Variants in XKR9 observed in about 807,000 individuals in gnomAD.
The protein encoded by XKR9 is XK related 9.
In XKR9, 32 loss-of-function variants were observed where a neutral mutation model predicts 32.0. That is an observed-to-expected ratio of 1.00 (90% CI 0.76 to 1.34). The LOEUF (loss-of-function observed/expected upper bound fraction) is 1.34. XKR9 is among the 40% of genes most tolerant of loss of function. The pLI, the probability that XKR9 is intolerant of heterozygous loss-of-function variation, is 0.00. For missense variants in XKR9, 546 were observed against 429.7 expected (o/e 1.27, Z -2.39); for synonymous variants, 168 against 143.4 (o/e 1.17, Z -1.22).
chr8:70,759,678 G>C (rs983554308), intron 2 of XKR9, among the ~76,000 whole-genome samples: 3 of 152,126 alleles, frequency 2.0e-5, no homozygotes, highest in Non-Finnish European at 4.4e-5. Flanking sequence ...CCATGGACTT[G>C]TTTTAATTAC....
At chr8:70,773,255 T>C (rs1807477181) in intron 2 of XKR9, among the ~76,000 whole-genome samples, 1 of 152,198 alleles carries the variant, frequency 6.6e-6, no homozygotes, top group African/African-American at 2.4e-5. Context: ...GATTATTATT[T>C]GGCATGTTTA....
chr8:70,887,183 A>G, the XKR9 span, among the ~76,000 whole-genome samples: 2 of 151,924 alleles, frequency 1.3e-5, no homozygotes, highest in African/African-American at 2.4e-5. Flanking sequence ...ATAAGGAATT[A>G]TTTTCCCATT....
At chr8:71,054,426 T>A in the XKR9 span, among the ~76,000 whole-genome samples, 1 of 152,180 alleles carries the variant, frequency 6.6e-6, no homozygotes, top group Admixed American at 6.5e-5. Flanking sequence ...CACTGCTGTT[T>A]TAAAATTTTC....
the XKR9 span, among the ~76,000 whole-genome samples, chr8:70,825,471 A>G: frequency 3.3e-5 from 5 of 152,126 alleles, no homozygotes; most frequent in Non-Finnish European, 7.4e-5. Flanking sequence ...TACTCAGTGA[A>G]TTCACTTATT....
the XKR9 span, among the ~76,000 whole-genome samples, chr8:70,925,924 G>A: frequency 6.6e-6 from 1 of 152,164 alleles, no homozygotes; most frequent in Admixed American, 6.5e-5. Context: ...ACTAATTTCA[G>A]ACTGATTTAT....
the XKR9 span, among the ~76,000 whole-genome samples, chr8:71,049,485 T>C: frequency 6.6e-6 from 1 of 152,138 alleles, no homozygotes; most frequent in Non-Finnish European, 1.5e-5. Context: ...ACTAATAATC[T>C]GATGGTGAGG....
chr8:70,811,754 C>T, the XKR9 span, among the ~76,000 whole-genome samples: 1 of 152,166 alleles, frequency 6.6e-6, no homozygotes, highest in Non-Finnish European at 1.5e-5. Flanking sequence ...GAAGTTGAAT[C>T]TCAGAATAGA....
the XKR9 span, among the ~76,000 whole-genome samples, chr8:70,909,665 C>G: frequency 2.1e-5 from 3 of 143,318 alleles, no homozygotes; most frequent in African/African-American, 7.7e-5. Flanking sequence ...ACAAAAACAA[C>G]AACAACAAAA....
At chr8:70,899,564 C>T in the XKR9 span, among the ~76,000 whole-genome samples, 1 of 151,942 alleles carries the variant, frequency 6.6e-6, no homozygotes, top group African/African-American at 2.4e-5. Context: ...ATTGCAGATC[C>T]ATCTTTAAGC....
At chr8:70,949,291 C>T in the XKR9 span, among the ~76,000 whole-genome samples, 1 of 151,980 alleles carries the variant, frequency 6.6e-6, no homozygotes, top group African/African-American at 2.4e-5. Flanking sequence ...GATGCTTTCT[C>T]TATTGTTCCG....
intron 4 of XKR9, among the ~76,000 whole-genome samples, chr8:70,710,416 G>A (rs1805872727): frequency 1.3e-5 from 2 of 152,090 alleles, no homozygotes; most frequent in Non-Finnish European, 2.9e-5. Flanking sequence ...AAAAATGATT[G>A]CAGGCTGGGC....
At chr8:70,946,372 CA>C in the XKR9 span, among the ~76,000 whole-genome samples, 31 of 145,330 alleles carry the variant, frequency 2.1e-4, no homozygotes, top group East Asian at 1.8e-3. Flanking sequence ...ATTTTCAAAA[CA>C]AAAAAAAAAC....
At chr8:70,829,974 C>G in the XKR9 span, among the ~76,000 whole-genome samples, 1 of 151,914 alleles carries the variant, frequency 6.6e-6, no homozygotes, top group African/African-American at 2.4e-5. Context: ...TGTTCCTGTC[C>G]TGTTTTTCTT....
At chr8:70,823,237 T>C in the XKR9 span, among the ~76,000 whole-genome samples, 2 of 152,244 alleles carry the variant, frequency 1.3e-5, no homozygotes, top group African/African-American at 2.4e-5. Context: ...GACATTGATC[T>C]AGTTTTGAGA....
At chr8:70,784,933 A>T (rs1172055359) in intron 2 of XKR9, among the ~76,000 whole-genome samples, 1 of 151,766 alleles carries the variant, frequency 6.6e-6, no homozygotes, top group African/African-American at 2.4e-5. Context: ...ATTTAATCAA[A>T]TGCTTTTTCT....
At chr8:71,005,555 A>G in the XKR9 span, among the ~76,000 whole-genome samples, 1 of 152,172 alleles carries the variant, frequency 6.6e-6, no homozygotes, top group Non-Finnish European at 1.5e-5. Flanking sequence ...AAAAGAACTG[A>G]GCCAGATTTC....
chr8:70,888,383 G>C, the XKR9 span, among the ~76,000 whole-genome samples: 1 of 151,510 alleles, frequency 6.6e-6, no homozygotes, highest in Non-Finnish European at 1.5e-5. Flanking sequence ...GTTTGCAAAT[G>C]TTTTCTTCCA....
the XKR9 span, among the ~76,000 whole-genome samples, chr8:70,927,744 C>T: frequency 1.3e-5 from 2 of 152,178 alleles, no homozygotes; most frequent in African/African-American, 4.8e-5. Context: ...TAAGTTTCAA[C>T]ATGAATTTTG....
the XKR9 span, among the ~76,000 whole-genome samples, chr8:70,800,220 C>T: frequency 1.3e-5 from 2 of 152,176 alleles, no homozygotes; most frequent in Non-Finnish European, 2.9e-5. Context: ...CCTACTTGAG[C>T]ATCATTAATA....
Sources: gnomAD v4.1 joint callset for allele counts (sites outside exome capture counted in the v4.1 genomes callset) on GRCh38, gnomAD v4.1.1 for gene constraint, MANE v1.5 for transcripts, NCBI Gene and HGNC (gene_info 2026-07-23, HGNC 2026-07-21) for gene names.